The following TIAM2 variants were observed in gnomAD, a reference collection of about 807,000 sequenced individuals.
TIAM2 encodes the protein TIAM Rac1 associated GEF 2.
In TIAM2, 80 loss-of-function variants were observed where a neutral mutation model predicts 152.9. The observed-to-expected ratio is 0.52, with a 90% confidence interval of 0.44 to 0.63. The LOEUF (loss-of-function observed/expected upper bound fraction) is 0.63. Among genes scored for constraint, TIAM2 ranks in the 30% least tolerant of loss-of-function variants. TIAM2 has a pLI of 0.00. For missense variants in TIAM2, 1,965 were observed against 2,120.1 expected, an observed-to-expected ratio of 0.93 and a Z score of 1.44; for synonymous variants, 804 against 838.0, an observed-to-expected ratio of 0.96 and a Z score of 0.70.
chr6:155,176,534 G>A (rs1425502402), intron 9 of TIAM2, among the ~76,000 whole-genome samples: 3 of 152,152 alleles, frequency 2.0e-5, no homozygotes, highest in Non-Finnish European at 4.4e-5. Context: ...GTTCCCAGCC[G>A]GATTGTGGTG....
intron 14 of TIAM2, among the ~76,000 whole-genome samples, chr6:155,197,625 C>T (rs1781376392): frequency 6.6e-6 from 1 of 152,120 alleles, no homozygotes. Context: ...AATTGACTCA[C>T]AGTTCTGCAG....
Position 155,090,270 on chromosome 6 carries a change from TTTTG to T in TIAM2, c.-208-15_-208-12del, listed in dbSNP as rs1453164739. 6 of 152,322 alleles carry T rather than the reference TTTTG, an allele frequency of 3.9e-5. No homozygotes were observed. The highest frequency in any genetic ancestry group is 1.4e-4 in the African/African-American group (6 of 41,576). The allele number at this position is 152,322 out of a possible 1,614,324, so 9.4% of individuals were successfully genotyped here. On this transcript the variant is annotated splice_polypyrimidine_tract_variant and intron_variant, in intron 1 of 26. Coordinates refer to ENST00000682666, the MANE Select transcript of TIAM2 (RefSeq NM_012454.4). ...AAATTATTTCTCACTGCCTCTGTGT[TTTTG>T]TTTTATTTTGCCAGGGCTCTGTGTA...
intron 1 of TIAM2, among the ~76,000 whole-genome samples, chr6:155,047,688 G>GAGAGGAGA (rs71023609): frequency 2.2e-5 from 1 of 44,716 alleles, no homozygotes; most frequent in East Asian, 5.6e-4. Flanking sequence ...GAGAGAGAGA[G>GAGAGGAGA]GAGAGAGAGA....
intron 15 of TIAM2, 131 bp downstream of exon 15, chr6:155,211,438 A>T: frequency 3.2e-6 from 2 of 633,620 alleles, no homozygotes; most frequent in Non-Finnish European, 5.5e-6. Flanking sequence ...ACATACATAT[A>T]TATGTTAAGG....
chr6:155,000,723 G>A (rs983664675), intron 1 of TIAM2, among the ~76,000 whole-genome samples: 4 of 152,120 alleles, frequency 2.6e-5, no homozygotes, highest in African/African-American at 7.2e-5. Flanking sequence ...CTTGGCTTAC[G>A]CCTATAATCC....
In TIAM2 at chr6:155,174,298, G is replaced by T. The variant is rs1266331145; in HGVS notation, c.2362-2518G>T. 6.6e-6 allele frequency among the ~76,000 whole-genome samples: 1 copy of T among 152,088 alleles called. No homozygotes were observed. Among genetic ancestry groups the T allele is most frequent in the Non-Finnish European group, 1.5e-5 (1 of 68,016 alleles). On this transcript the variant is annotated intron_variant, in intron 9 of 26. Transcript: ENST00000682666. This position sits in a 1 kb window ranked among gnomAD's most constrained non-coding sequence, Gnocchi z 4.2. ...TAGGAAGTGATGATGGTGCCTTCCT[G>T]AGAGGGCTGGCTGTGAGTGGTGAGT...
rs143973187 is a variant in TIAM2, at chr6:155,170,906, G to A, written c.2361+5497G>A. The stretch of plus-strand genomic sequence containing the variant: ...CAGCCTCTGTAATTTCTGTGCTATC[G>A]TACCCAGATAACTAGATTCAGATAG... On this transcript the variant is annotated intron_variant, in intron 9 of 26. Transcript: ENST00000682666. 4.3e-3 allele frequency among the ~76,000 whole-genome samples: 654 copies of A among 152,218 alleles called. 9 individuals carry two copies. Among genetic ancestry groups the A allele is most frequent in the African/African-American group, 0.015 (620 of 41,516 alleles).
intron 2 of TIAM2, among the ~76,000 whole-genome samples, chr6:155,111,485 G>GA (rs1341457977): frequency 5.9e-5 from 9 of 152,074 alleles, no homozygotes; most frequent in African/African-American, 2.2e-4. Flanking sequence ...GTCACAGTGG[G>GA]AAAAAAATAG....
At chr6:155,021,817 C>T (rs914452020) in intron 1 of TIAM2, among the ~76,000 whole-genome samples, 4 of 152,186 alleles carry the variant, frequency 2.6e-5, no homozygotes, top group Non-Finnish European at 5.9e-5. Context: ...CCTGCTTTCC[C>T]TGTTGCATGT....
intron 2 of TIAM2, among the ~76,000 whole-genome samples, chr6:155,110,313 C>CTTTTTTTT (rs1488922028): frequency 1.1e-5 from 1 of 90,344 alleles, no homozygotes; most frequent in African/African-American, 4.9e-5. Context: ...TTTCCTCTTT[C>CTTTTTTTT]TTTTCTTTTT....
intron 1 of TIAM2, among the ~76,000 whole-genome samples, chr6:155,076,820 C>T (rs570815616): frequency 4.1e-4 from 62 of 152,250 alleles, no homozygotes; most frequent in African/African-American, 9.4e-4. Flanking sequence ...CTTAGCCTCC[C>T]GAGTAGCTGG....
At chr6:155,127,344 GTTCACAGACGTTTCATTTATTACC>G in intron 2 of TIAM2, 122 bp from the exon 3 acceptor site, 1 of 336,950 alleles carries the variant, frequency 3.0e-6, no homozygotes, top group Non-Finnish European at 5.8e-6. Context: ...GAATCACACG[GTTCACAGACGTTTCATTTATTACC>G]TTGACAGTGA....
At chr6:155,224,691 G>A (rs559594472) in intron 15 of TIAM2, among the ~76,000 whole-genome samples, 6 of 152,296 alleles carry the variant, frequency 3.9e-5, no homozygotes, top group African/African-American at 1.4e-4. Context: ...AGCCTCCAGC[G>A]CATGCTGCCG....
rs565578436 is a variant in TIAM2, at chr6:155,168,788, T to A, written c.2361+3379T>A. 11 of 1,385,970 alleles carry A rather than the reference T, an allele frequency of 7.9e-6. No homozygotes were observed. The East Asian group carries it at 2.8e-4, about 35-fold the overall frequency. The allele number at this position is 1,385,970 out of a possible 1,614,324, so 85.9% of individuals were successfully genotyped here. A position where few individuals can be genotyped will look rare whatever the true frequency, so the allele number is the denominator to read the frequency against. On this transcript the variant is annotated intron_variant, in intron 9 of 26. Coordinates refer to ENST00000682666, the MANE Select transcript of TIAM2 (RefSeq NM_012454.4). ...TTTTTAAATAATGAAAAAGGGTAGC[T>A]GGCAGATGAATATTACAGGGCCATT...
At chr6:155,026,208 A>C (rs943717591) in intron 1 of TIAM2, among the ~76,000 whole-genome samples, 5 of 152,192 alleles carry the variant, frequency 3.3e-5, no homozygotes, top group African/African-American at 1.2e-4. Context: ...GGAATATTTT[A>C]AGACCTGGGT....
intron 11 of TIAM2, 86 bp downstream of exon 11, chr6:155,179,229 CT>C: frequency 6.8e-7 from 1 of 1,473,080 alleles, no homozygotes; most frequent in South Asian, 1.2e-5. Context: ...GGGGAAAATT[CT>C]GTTTAAATTT....
chr6:155,141,457 T>C (rs879432955), intron 5 of TIAM2, among the ~76,000 whole-genome samples: 3 of 152,148 alleles, frequency 2.0e-5, no homozygotes, highest in Admixed American at 2.0e-4. Flanking sequence ...AAAGTATCCA[T>C]GTAAATAAAT....
chr6:155,101,803 C>T (rs996651112), intron 2 of TIAM2, among the ~76,000 whole-genome samples: 1 of 152,030 alleles, frequency 6.6e-6, no homozygotes, highest in African/African-American at 2.4e-5. Flanking sequence ...CTCTGCCTCT[C>T]GGGTTCTCCT....
intron 4 of TIAM2, among the ~76,000 whole-genome samples, chr6:155,131,003 C>G (rs1779433165): frequency 6.6e-6 from 1 of 152,194 alleles, no homozygotes; most frequent in Non-Finnish European, 1.5e-5. Context: ...AATGTTCAGT[C>G]AATAGCATTC....
Sources: allele counts gnomAD v4.1 joint callset (sites outside exome capture counted in the v4.1 genomes callset), GRCh38; gene constraint gnomAD v4.1.1; non-coding constraint Gnocchi (gnomAD v3.1); transcripts MANE v1.5; gene names NCBI Gene and HGNC (gene_info 2026-07-23, HGNC 2026-07-21).